PLXNA4: variants seen among roughly 807,000 people sequenced by gnomAD.
PLXNA4 encodes the protein plexin A4, also known as plexin-A4.
In PLXNA4, 44 loss-of-function variants were observed where a neutral mutation model predicts 191.8. The observed-to-expected ratio is 0.23, with a 90% CI of 0.18 to 0.29. The LOEUF (loss-of-function observed/expected upper bound fraction) is 0.29. PLXNA4 is among the 10% of genes least tolerant of loss of function. The pLI is 1.00. For missense variants in PLXNA4, 1,800 were observed against 2,488.8 expected, an observed-to-expected ratio of 0.72 and a Z score of 5.89; for synonymous variants, 1,082 against 1,009.5, an observed-to-expected ratio of 1.07 and a Z score of -1.36.
intron 4 of PLXNA4, among the ~76,000 whole-genome samples, chr7:132,275,757 G>C (rs985174085): frequency 6.6e-6 from 1 of 152,210 alleles, no homozygotes; most frequent in Non-Finnish European, 1.5e-5. Flanking sequence ...AGCTCTACTG[G>C]AGTGATTCCA....
rs556366678 is a variant in PLXNA4, at chr7:132,605,701, T to A, written c.-87+40227A>T. 2.0e-5 allele frequency among the ~76,000 whole-genome samples: 3 copies of A among 151,958 alleles called. No homozygotes were observed. The South Asian group carries it at 6.3e-4, about 32-fold the overall frequency. ...GCCCTAGTACTTGTGAATGTAATCT[T>A]ATTTGGAAATGAGGCTTTGCAGATG... On this transcript the variant is annotated intron_variant, in intron 2 of 4. Transcript: ENST00000378539.
intron 2 of PLXNA4, among the ~76,000 whole-genome samples, chr7:132,588,207 G>A (rs115280959): frequency 4.0e-4 from 61 of 152,166 alleles, no homozygotes; most frequent in African/African-American, 1.3e-3. Context: ...GGCTGGACAG[G>A]TTTTTGTCCT....
At chr7:132,331,454 C>A (rs1470485690) in intron 3 of PLXNA4, among the ~76,000 whole-genome samples, 3 of 152,260 alleles carry the variant, frequency 2.0e-5, no homozygotes, top group African/African-American at 7.2e-5. Context: ...AGACACACAG[C>A]TCTGCTGCTC....
intron 3 of PLXNA4, among the ~76,000 whole-genome samples, chr7:132,480,620 CT>C (rs1387175773): frequency 6.6e-6 from 1 of 152,014 alleles, no homozygotes; most frequent in African/African-American, 2.4e-5. Flanking sequence ...GTCCCACAGG[CT>C]CTAGGAGGGA....
chr7:132,151,911 T>C (rs185250311), intron 25 of PLXNA4, among the ~76,000 whole-genome samples: 57 of 152,308 alleles, frequency 3.7e-4, no homozygotes, highest in African/African-American at 1.3e-3. Context: ...CTCCTTAATG[T>C]CACTCTTCTC....
chr7:132,248,983 A>G (rs2117070194), intron 4 of PLXNA4, among the ~76,000 whole-genome samples: 1 of 152,298 alleles, frequency 6.6e-6, no homozygotes, highest in East Asian at 1.9e-4. Context: ...CGGCAGACAG[A>G]GGCACAGGGT....
intron 18 of PLXNA4, among the ~76,000 whole-genome samples, chr7:132,180,962 C>T (rs1796683554): frequency 6.6e-6 from 1 of 152,248 alleles, no homozygotes; most frequent in Non-Finnish European, 1.5e-5. Flanking sequence ...CAAATGCAGC[C>T]TCAGAATCCT....
chr7:132,228,447 C>T lies in PLXNA4; in HGVS notation c.1627G>A (p.Glu543Lys), dbSNP rs75211565. ...HNTCTRKERCERSKEPRRFAS... is the reference protein window; with the variant it reads ...HNTCTRKERCKRSKEPRRFAS... ...AACCTGCGGGGCTCCTTGGACCGCTCACACCGCTCCTTCCGGGTGCAACTG... is the reference window on the plus strand; with the variant it reads ...AACCTGCGGGGCTCCTTGGACCGCTTACACCGCTCCTTCCGGGTGCAACTG... Residue 543 changes from glutamate to lysine, a missense_variant, in exon 6 of 32, where the codon GAG (glutamate) becomes AAG (lysine). Transcript: ENST00000321063. The T allele has an allele frequency of 1.2e-6, 2 of 1,614,132 alleles. No individual in the cohort carries two copies. Among genetic ancestry groups the T allele is most frequent in the African/African-American group, 1.3e-5 (1 of 75,024 alleles).
chr7:132,516,228 ATTTATTTATTTAT>A (rs1270283053), intron 1 of PLXNA4, among the ~76,000 whole-genome samples: 1 of 67,094 alleles, frequency 1.5e-5, no homozygotes, highest in Non-Finnish European at 3.5e-5. Flanking sequence ...CCTTTTATTT[ATTTATTTATTTAT>A]TTATTTATTT....
intron 3 of PLXNA4, among the ~76,000 whole-genome samples, chr7:132,402,515 G>A (rs949321328): frequency 6.6e-6 from 1 of 152,154 alleles, no homozygotes; most frequent in Non-Finnish European, 1.5e-5. Flanking sequence ...ACACACAGGG[G>A]AGAGGGGCAG....
intron 31 of PLXNA4, 141 bp from the exon 32 acceptor site, chr7:132,130,715 T>A: frequency 7.8e-7 from 1 of 1,280,784 alleles, no homozygotes. Context: ...CACTGCGGGG[T>A]AGGAGGAGAC....
intron 3 of PLXNA4, among the ~76,000 whole-genome samples, chr7:132,466,032 AAAC>A (rs1341897151): frequency 1.3e-5 from 2 of 152,138 alleles, no homozygotes; most frequent in East Asian, 3.9e-4. Context: ...TCAACTTGGG[AAAC>A]ATCAAGAGGC....
intron 3 of PLXNA4, among the ~76,000 whole-genome samples, chr7:132,325,838 A>T (rs1453235936): frequency 6.6e-6 from 1 of 152,188 alleles, no homozygotes; most frequent in Admixed American, 6.5e-5. Flanking sequence ...TCTTGGCACT[A>T]CAGGGAGACG....
In PLXNA4 at chr7:132,125,493, C is replaced by A; in HGVS notation, c.*4986G>T. 1 of 152,144 alleles carries A rather than the reference C, an allele frequency of 6.6e-6. No individual in the cohort carries two copies. The highest frequency in any genetic ancestry group is 2.1e-4 in the South Asian group (1 of 4,806). The allele number at this position is 152,144 out of a possible 1,614,324, so 9.4% of individuals were successfully genotyped here. A position where few individuals can be genotyped will look rare whatever the true frequency, so the allele number is the denominator to read the frequency against. ...AGTCATAGGTTTTGCTCCCACTAAC[C>A]GAGTAATTTGGACTTAACATCCATA... On this transcript the variant is annotated 3_prime_UTR_variant, in exon 32 of 32. Coordinates refer to ENST00000321063, the MANE Select transcript of PLXNA4 (RefSeq NM_020911.2).
intron 24 of PLXNA4, among the ~76,000 whole-genome samples, chr7:132,163,909 T>C (rs1470511711): frequency 1.3e-5 from 2 of 152,224 alleles, no homozygotes; most frequent in Admixed American, 6.5e-5. Flanking sequence ...TTGGCTGAAG[T>C]GTCACTCAAA....
intron 29 of PLXNA4, among the ~76,000 whole-genome samples, chr7:132,144,559 C>A (rs910642438): frequency 2.0e-5 from 3 of 152,226 alleles, no homozygotes; most frequent in Admixed American, 1.3e-4. Context: ...AATAGGAATG[C>A]CCTTTGTTCA....
chr7:132,265,675 G>A (rs967872969), intron 4 of PLXNA4, among the ~76,000 whole-genome samples: 6 of 152,160 alleles, frequency 3.9e-5, no homozygotes, highest in African/African-American at 7.2e-5. Context: ...AGAAGCGAGC[G>A]TACACAGACC....
chr7:132,129,699 T>G lies in PLXNA4; in HGVS notation c.*780A>C, dbSNP rs996456130. ...TACATTTCTGCTACTAGGATTCAGA[T>G]GAAAAGGTCAGGAGCATCTCCATGG... On this transcript the variant is annotated 3_prime_UTR_variant, in exon 32 of 32. Coordinates refer to ENST00000321063, the MANE Select transcript of PLXNA4 (RefSeq NM_020911.2). 6.5e-6 allele frequency: 1 copy of G among 152,678 alleles called. No homozygotes were observed. The highest frequency in any genetic ancestry group is 2.4e-5 in the African/African-American group (1 of 41,454). 9.5% of individuals were successfully genotyped at this position (152,678 alleles called of 1,614,324 possible). A position where few individuals can be genotyped will look rare whatever the true frequency, so the allele number is the denominator to read the frequency against.
At chr7:132,525,906 A>C (rs1317551583) in intron 1 of PLXNA4, among the ~76,000 whole-genome samples, 3 of 152,180 alleles carry the variant, frequency 2.0e-5, no homozygotes, top group Non-Finnish European at 4.4e-5. Context: ...AACCCATGGA[A>C]GGTTTGTGAA....
Sources: gnomAD v4.1 joint callset for allele counts (sites outside exome capture counted in the v4.1 genomes callset) on GRCh38, gnomAD v4.1.1 for gene constraint, MANE v1.5 for transcripts, NCBI Gene and HGNC (gene_info 2026-07-23, HGNC 2026-07-21) for gene names.